CEP170: variants seen among roughly 807,000 people sequenced by gnomAD.
CEP170 encodes centrosomal protein of 170 kDa.
In CEP170, 21 loss-of-function variants were observed where a neutral mutation model predicts 151.9. The ratio of observed to expected loss-of-function variants is 0.14; its 90% CI spans 0.10 to 0.20. The LOEUF (loss-of-function observed/expected upper bound fraction) is 0.20. Among genes scored for constraint, CEP170 ranks in the 10% least tolerant of loss-of-function variants. CEP170 has a pLI of 1.00. For missense variants in CEP170, 964 were observed against 1,892.9 expected (o/e 0.51, Z 9.11); for synonymous variants, 356 against 648.8 (o/e 0.55, Z 6.86).
At chr1:243,136,377 A>G (rs2055080841) in intron 16 of CEP170, 146 bp from the exon 17 acceptor site, 12 of 1,047,522 alleles carry the variant, frequency 1.1e-5, no homozygotes, top group Non-Finnish European at 1.6e-5. Context: ...AATATAATTA[A>G]TATGTAACTA....
At chr1:243,246,393 A>C (rs200495691) in intron 1 of CEP170, among the ~76,000 whole-genome samples, 1 of 151,832 alleles carries the variant, frequency 6.6e-6, no homozygotes, top group Admixed American at 6.6e-5. Context: ...CACCACGCTC[A>C]GCTAATTTTT....
chr1:243,238,879 T>C lies in CEP170; in HGVS notation c.-41-13558A>G, dbSNP rs1029009722. On this transcript the variant is annotated intron_variant, in intron 1 of 19. Coordinates refer to ENST00000366542, the MANE Select transcript of CEP170 (RefSeq NM_014812.3). ...ATTGCTATCTTAAATTACCTCTCAA[T>C]ATCTTTGACCATTCTTGCCTTCTAC... Among the ~76,000 whole-genome samples, 4 of 152,230 alleles carry C rather than the reference T, an allele frequency of 2.6e-5. No individual in the cohort carries two copies. In the East Asian group the frequency reaches 7.7e-4, roughly 29 times the overall value.
intron 1 of CEP170, among the ~76,000 whole-genome samples, chr1:243,234,785 C>T (rs1411022561): frequency 3.3e-5 from 5 of 152,066 alleles, no homozygotes. Flanking sequence ...GATTCATTAT[C>T]AAATAAAGTC....
At chr1:243,229,732 A>C (rs1373451265) in intron 1 of CEP170, among the ~76,000 whole-genome samples, 1 of 152,212 alleles carries the variant, frequency 6.6e-6, no homozygotes, top group Admixed American at 6.5e-5. Context: ...AAACCAATAC[A>C]AAAGCTGGCC....
chr1:243,186,174 C>T (rs1468521540), intron 9 of CEP170, 85 bp downstream of exon 9: 3 of 1,613,212 alleles, frequency 1.9e-6, no homozygotes, highest in Admixed American at 1.7e-5. Context: ...CACAAGATTC[C>T]CGCACTTTGA....
Position 243,243,120 on chromosome 1 carries a change from A to G in CEP170, c.-42+11920T>C, listed in dbSNP as rs2065021182. Among the ~76,000 whole-genome samples, 3 of 152,198 alleles carry G rather than the reference A, an allele frequency of 2.0e-5. No individual in the cohort carries two copies. In the South Asian group the frequency reaches 6.2e-4, roughly 31 times the overall value. Reference sequence around the variant, plus strand: ...GTGGCTCATGCCTATCTGCTTTAGGAGGCCGAGACAGGAGGATCGCTTGAG... The same window carrying G: ...GTGGCTCATGCCTATCTGCTTTAGGGGGCCGAGACAGGAGGATCGCTTGAG... On this transcript the variant is annotated intron_variant, in intron 1 of 19. Coordinates refer to ENST00000366542, the MANE Select transcript of CEP170 (RefSeq NM_014812.3).
At chr1:243,221,457 G>C (rs2062811985) in intron 3 of CEP170, 1 of 403,758 alleles carries the variant, frequency 2.5e-6, no homozygotes. Flanking sequence ...GTCAAGCTTA[G>C]GTTCCAACTC....
intron 3 of CEP170, among the ~76,000 whole-genome samples, chr1:243,221,035 T>C (rs1036766473): frequency 7.9e-5 from 12 of 152,192 alleles, no homozygotes; most frequent in African/African-American, 2.9e-4. Context: ...CTTTTCTTTT[T>C]TTTGAGACGC....
intron 10 of CEP170, among the ~76,000 whole-genome samples, chr1:243,177,583 G>A (rs1183138316): frequency 6.6e-6 from 1 of 152,154 alleles, no homozygotes; most frequent in African/African-American, 2.4e-5. Flanking sequence ...AATAGTAGAG[G>A]TTCCCATGGC....
chr1:243,220,833 C>G (rs2062735572), intron 3 of CEP170, among the ~76,000 whole-genome samples: 1 of 151,976 alleles, frequency 6.6e-6, no homozygotes, highest in South Asian at 2.1e-4. Flanking sequence ...TGTAGACAGA[C>G]CAAATGAAGA....
chr1:243,134,967 G>C (rs1428793927), intron 17 of CEP170, among the ~76,000 whole-genome samples: 1 of 152,104 alleles, frequency 6.6e-6, no homozygotes, highest in African/African-American at 2.4e-5. Flanking sequence ...GTTGAGAAAT[G>C]AACCCAGAGT....
chr1:243,142,153 T>C, intron 15 of CEP170, 163 bp downstream of exon 15: 1 of 1,435,410 alleles, frequency 7.0e-7, no homozygotes, highest in Non-Finnish European at 9.2e-7. Flanking sequence ...ACTAGTTTTG[T>C]TACAAAAACA....
chr1:243,211,840 C>T (rs1158286268), intron 4 of CEP170, 46 bp downstream of exon 4: 3 of 1,565,998 alleles, frequency 1.9e-6, no homozygotes, highest in East Asian at 4.7e-5. Flanking sequence ...CCAGAGTAAA[C>T]ATATTTGAAT....
intron 3 of CEP170, 38 bp downstream of exon 3, chr1:243,221,686 A>G: frequency 1.3e-6 from 2 of 1,542,042 alleles, no homozygotes; most frequent in Non-Finnish European, 1.8e-6. Flanking sequence ...ATATTAAACA[A>G]ATGTTCAAAC....
intron 19 of CEP170, among the ~76,000 whole-genome samples, chr1:243,127,001 G>C (rs532523272): frequency 2.0e-5 from 3 of 152,246 alleles, no homozygotes; most frequent in African/African-American, 7.2e-5. Context: ...TGAAGATGTG[G>C]AATTCAAGAA....
chr1:243,187,034 G>C (rs2059982414), intron 8 of CEP170, among the ~76,000 whole-genome samples: 1 of 152,062 alleles, frequency 6.6e-6, no homozygotes, highest in Non-Finnish European at 1.5e-5. Context: ...GAGAATTTTT[G>C]AAAACTGCAT....
chr1:243,169,353 C>T (rs1025263948), intron 12 of CEP170: 6 of 387,690 alleles, frequency 1.5e-5, no homozygotes, highest in Non-Finnish European at 2.1e-5. Flanking sequence ...AGTTTTATCA[C>T]TTTGAATTTG....
Position 243,199,135 on chromosome 1 carries a change from C to T in CEP170, c.556G>A (p.Asp186Asn), listed in dbSNP as rs780717271. Residue 186 changes from aspartate to asparagine, a missense_variant, in exon 7 of 20, where the codon GAT (aspartate) becomes AAT (asparagine). Asp to Asn is a conservative substitution (Grantham distance 23). Transcript: ENST00000366542. ...AAAGCTCTTTTTTCATCCACCTCAT[C>T]ATCCCCCCACCATGACGGCTGCCCA... ...LYGQPSWWGDDEVDEKRAFKT... is the reference protein window; with the variant it reads ...LYGQPSWWGDNEVDEKRAFKT... The T allele has an allele frequency of 3.1e-6, 5 of 1,612,082 alleles. No individual in the cohort carries two copies. The Admixed American group carries it at 5.0e-5, about 16-fold the overall frequency.
intron 13 of CEP170, 121 bp downstream of exon 13, chr1:243,164,163 C>A (rs866129882): frequency 2.4e-6 from 3 of 1,242,382 alleles, no homozygotes; most frequent in Non-Finnish European, 3.1e-6. Context: ...TATATCATAA[C>A]TTTTGTTTTG....
Sources: allele counts gnomAD v4.1 joint callset (sites outside exome capture counted in the v4.1 genomes callset), GRCh38; gene constraint gnomAD v4.1.1; transcripts MANE v1.5; gene names NCBI Gene and HGNC (gene_info 2026-07-23, HGNC 2026-07-21).